The following INSR variants were observed in gnomAD, a reference collection of about 807,000 sequenced individuals.
INSR encodes the protein IR.
A neutral mutation model predicts 142.6 loss-of-function variants in INSR; 67 were observed. The ratio of observed to expected loss-of-function variants is 0.47; its 90% CI spans 0.39 to 0.58. INSR has a LOEUF of 0.58. Ranked by LOEUF, INSR falls within the 20% of genes least tolerant of loss-of-function variation. The pLI is 0.00. For synonymous variants in INSR, 756 were observed against 743.1 expected (o/e 1.02, Z -0.28); for missense variants, 1,248 against 1,833.2 (o/e 0.68, Z 5.83).
chr19:7,168,020 A>G lies in INSR; in HGVS notation c.1558T>C (p.Trp520Arg). Residue 520 changes from tryptophan (W) to arginine (R), a missense_variant, in exon 7 of 22, where the codon TGG becomes CGG. By Grantham distance (101) the Trp-to-Arg change is moderately radical. This residue lies in a region of INSR where 1,069 missense variants were observed against 1,654.0 expected (regional missense o/e 0.65). Coordinates refer to ENST00000302850, the MANE Select transcript of INSR (RefSeq NM_000208.4). This position sits in a 1 kb window ranked among gnomAD's most constrained non-coding sequence, Gnocchi z 4.3. ...DKILLRWEPY[W>R]PPDFRDLLGF... ...AAGAGGTCTCGGAAGTCGGGGGGCCAGTACGGCTCCCATCTCAGCAAGATC... is the reference window on the plus strand; with the variant it reads ...AAGAGGTCTCGGAAGTCGGGGGGCCGGTACGGCTCCCATCTCAGCAAGATC... The G allele has an allele frequency of 6.2e-7, 1 of 1,614,120 alleles. No homozygotes were observed. Among genetic ancestry groups the G allele is most frequent in the Non-Finnish European group, 8.5e-7 (1 of 1,179,962 alleles).
rs1974631818 is a variant in INSR at position 7,192,540 on chromosome 19, C to T, written c.653-7903G>A. Reference sequence around the variant, plus strand: ...AATGAGCCCAAGTGTCCGTTCCTGCCCAAATTCTGGTTTGGGGTAGGGACA... The same window carrying T: ...AATGAGCCCAAGTGTCCGTTCCTGCTCAAATTCTGGTTTGGGGTAGGGACA... On this transcript the variant is annotated intron_variant, in intron 2 of 21. Coordinates refer to ENST00000302850, the MANE Select transcript of INSR (RefSeq NM_000208.4). The surrounding 1 kb of genome is among the most constrained non-coding windows in gnomAD (Gnocchi z 4.2). 6.6e-6 allele frequency among the ~76,000 whole-genome samples: 1 copy of T among 151,976 alleles called. No individual in the cohort carries two copies. Among genetic ancestry groups the T allele is most frequent in the African/African-American group, 2.4e-5 (1 of 41,348 alleles).
At chr19:7,170,944 A>G (rs1974003285) in intron 5 of INSR, among the ~76,000 whole-genome samples, 193 bp from the exon 6 acceptor site, 1 of 152,152 alleles carries the variant, frequency 6.6e-6, no homozygotes, top group Non-Finnish European at 1.5e-5. Context: ...ATGGCCAGGA[A>G]GGAGGCTCAG....
intron 9 of INSR, among the ~76,000 whole-genome samples, chr19:7,154,122 C>T (rs1411579592): frequency 6.6e-6 from 1 of 151,808 alleles, no homozygotes; most frequent in Non-Finnish European, 1.5e-5. Flanking sequence ...GATGGCACCA[C>T]TGCACTCCAG....
chr19:7,236,813 T>G (rs1002930481), intron 2 of INSR, among the ~76,000 whole-genome samples: 1 of 151,750 alleles, frequency 6.6e-6, no homozygotes, highest in Non-Finnish European at 1.5e-5. Context: ...GATCATGAGG[T>G]CAGGAGATCG....
At chr19:7,208,076 C>G (rs1332173467) in intron 2 of INSR, among the ~76,000 whole-genome samples, 1 of 152,084 alleles carries the variant, frequency 6.6e-6, no homozygotes, top group African/African-American at 2.4e-5. Flanking sequence ...AAAACCACCT[C>G]GTGTTTGGCT....
intron 2 of INSR, among the ~76,000 whole-genome samples, chr19:7,191,398 G>C (rs1974585909): frequency 6.8e-6 from 1 of 147,830 alleles, no homozygotes; most frequent in African/African-American, 2.5e-5. Context: ...AAGCCACTCG[G>C]GGTGGCCACT....
chr19:7,128,377 A>C (rs1048517870), intron 15 of INSR, among the ~76,000 whole-genome samples: 3 of 151,350 alleles, frequency 2.0e-5, no homozygotes, highest in Admixed American at 1.3e-4. Flanking sequence ...ATGCCCGGTT[A>C]ATTTTTTAGT....
In INSR at chr19:7,166,979, G is replaced by T. The variant is rs1186577737; in HGVS notation, c.1611-575C>A. 6.6e-6 allele frequency among the ~76,000 whole-genome samples: 1 copy of T among 152,002 alleles called. No individual in the cohort carries two copies. The highest frequency in any genetic ancestry group is 2.1e-4 in the South Asian group (1 of 4,822). On this transcript the variant is annotated intron_variant, in intron 7 of 21. Coordinates refer to ENST00000302850, the MANE Select transcript of INSR (RefSeq NM_000208.4). The surrounding 1 kb of genome is among the most constrained non-coding windows in gnomAD (Gnocchi z 4.1). The stretch of plus-strand genomic sequence containing the variant: ...TGGGACCAGAAGTGTTTTGGATTTT[G>T]GATATTTTGGGGTTTTGAAATATTT...
At chr19:7,126,471 G>C in intron 16 of INSR, 113 bp downstream of exon 16, 2 of 921,826 alleles carry the variant, frequency 2.2e-6, no homozygotes, top group South Asian at 2.8e-5. Context: ...ATGAATAAGA[G>C]GGCTTTTCTT....
At chr19:7,151,805 T>C (rs528886595) in intron 10 of INSR, among the ~76,000 whole-genome samples, 2 of 151,370 alleles carry the variant, frequency 1.3e-5, no homozygotes, top group East Asian at 3.9e-4. Flanking sequence ...TTTTAATTTT[T>C]TTTTAGAGAC....
At chr19:7,222,708 G>A (rs1337107653) in intron 2 of INSR, among the ~76,000 whole-genome samples, 4 of 151,956 alleles carry the variant, frequency 2.6e-5, no homozygotes, top group African/African-American at 9.7e-5. Flanking sequence ...TCCCTATTTG[G>A]CAGTGATTAT....
At chr19:7,184,198 C>T in intron 3 of INSR, 118 bp downstream of exon 3, 6 of 891,726 alleles carry the variant, frequency 6.7e-6, no homozygotes, top group Admixed American at 2.0e-5. Context: ...GAGCAGAGAC[C>T]TCACTCATAG....
Position 7,246,842 on chromosome 19 carries a change from TACA to T in INSR, c.652+20500_652+20502del, listed in dbSNP as rs550696861. 9.3e-4 allele frequency among the ~76,000 whole-genome samples: 132 copies of T among 142,292 alleles called. 3 individuals carry two copies. Among genetic ancestry groups the T allele is most frequent in the Non-Finnish European group, 1.3e-3 (86 of 67,722 alleles). The allele number at this position is 142,292 out of a possible 152,430, so 93.3% of individuals were successfully genotyped here. ...TACAAACTCCATGACTGAACTTGGA[TACA>T]ACAAGTTCCAAGTTGTATGTTTCAG... On this transcript the variant is annotated intron_variant, in intron 2 of 21. Transcript: ENST00000302850.
chr19:7,268,759 T>C (rs1280769706), intron 1 of INSR: 1 of 269,658 alleles, frequency 3.7e-6, no homozygotes, highest in Admixed American at 6.8e-5. Context: ...TTCTTGCTGT[T>C]GTTTATTCCC....
At chr19:7,186,035 TG>T (rs1974422928) in intron 2 of INSR, among the ~76,000 whole-genome samples, 1 of 150,184 alleles carries the variant, frequency 6.7e-6, no homozygotes. Context: ...TCTCTACTGA[TG>T]ATACAAACAA....
intron 13 of INSR, among the ~76,000 whole-genome samples, chr19:7,133,461 T>C (rs1210723200): frequency 6.6e-6 from 1 of 152,244 alleles, no homozygotes; most frequent in African/African-American, 2.4e-5. Flanking sequence ...TTAGCTATAG[T>C]CACCATTCAT....
At position 7,294,082 on chromosome 19, in the gene INSR, C is replaced by T. The variant is rs2145265811; in HGVS notation, c.-191G>A. 2.4e-6 allele frequency: 1 copy of T among 418,962 alleles called. No homozygotes were observed. The highest frequency in any genetic ancestry group is 8.5e-5 in the East Asian group (1 of 11,794). 26.0% of individuals were successfully genotyped at this position (418,962 alleles called of 1,614,324 possible). On this transcript the variant is annotated 5_prime_UTR_variant, in exon 1 of 22. Coordinates refer to ENST00000302850, the MANE Select transcript of INSR (RefSeq NM_000208.4). ...GCCCCGGGAAGGGCGCGCGCGGCTT[C>T]GCCAGCTACAAATACTGAGCGGAGG...
intron 2 of INSR, among the ~76,000 whole-genome samples, chr19:7,250,449 A>AAAGAAAAGG (rs1476973453): frequency 5.8e-5 from 5 of 85,818 alleles, no homozygotes; most frequent in African/African-American, 1.6e-4. Context: ...AAGAAAGAAG[A>AAAGAAAAGG]AAGAAAAGGA....
chr19:7,195,517 C>T (rs1974720508), intron 2 of INSR, among the ~76,000 whole-genome samples: 1 of 152,022 alleles, frequency 6.6e-6, no homozygotes, highest in Non-Finnish European at 1.5e-5. Context: ...GTGGCGCATG[C>T]CTGTAATCCC....
Sources: gnomAD v4.1 joint callset for allele counts (sites outside exome capture counted in the v4.1 genomes callset) on GRCh38, gnomAD v4.1.1 for gene constraint, gnomAD v4.1.1 regional missense constraint, Gnocchi (gnomAD v3.1) non-coding constraint, MANE v1.5 for transcripts, NCBI Gene and HGNC (gene_info 2026-07-23, HGNC 2026-07-21) for gene names.